Variants in DIAPH3 observed in about 807,000 individuals in gnomAD.
The protein encoded by DIAPH3 is protein diaphanous homolog 3.
In DIAPH3, 117 loss-of-function variants were observed where a neutral mutation model predicts 144.3. The observed-to-expected ratio is 0.81, with a 90% confidence interval of 0.70 to 0.95. The LOEUF (loss-of-function observed/expected upper bound fraction) is 0.95. DIAPH3 is among the 40% of genes least tolerant of loss of function. The pLI is 0.00. For synonymous variants in DIAPH3, 519 were observed against 488.9 expected (o/e 1.06, Z -0.81); for missense variants, 1,421 against 1,412.7 (o/e 1.01, Z -0.09).
chr13:60,132,885 A>T (rs2138236192), intron 2 of DIAPH3, 72 bp downstream of exon 2: 1 of 1,287,620 alleles, frequency 7.8e-7, no homozygotes, highest in Admixed American at 1.7e-5. Context: ...CAAAGATGTT[A>T]GCAGAGCACA....
At chr13:59,878,139 A>C (rs1001745682) in intron 21 of DIAPH3, among the ~76,000 whole-genome samples, 1 of 152,200 alleles carries the variant, frequency 6.6e-6, no homozygotes, top group Non-Finnish European at 1.5e-5. Flanking sequence ...CTGGCAAAGC[A>C]TCTGGCACAG....
intron 3 of DIAPH3, among the ~76,000 whole-genome samples, chr13:60,109,235 C>A (rs988991072): frequency 6.6e-6 from 1 of 152,156 alleles, no homozygotes; most frequent in South Asian, 2.1e-4. Flanking sequence ...TTCTTTCACA[C>A]GGTGTGTGAC....
At chr13:60,100,684 TAAAG>T (rs1307438552) in intron 3 of DIAPH3, among the ~76,000 whole-genome samples, 5 of 151,846 alleles carry the variant, frequency 3.3e-5, no homozygotes, top group African/African-American at 1.2e-4. Flanking sequence ...TATTTCAAAA[TAAAG>T]AGTTATTTTA....
chr13:59,959,602 C>T (rs1485741437), intron 17 of DIAPH3, among the ~76,000 whole-genome samples: 1 of 152,144 alleles, frequency 6.6e-6, no homozygotes, highest in East Asian at 1.9e-4. Flanking sequence ...AACAAAATGA[C>T]TTGCTCGGCT....
At chr13:60,118,471 G>T (rs1168135271) in intron 2 of DIAPH3, among the ~76,000 whole-genome samples, 1 of 152,084 alleles carries the variant, frequency 6.6e-6, no homozygotes, top group African/African-American at 2.4e-5. Flanking sequence ...CGAAATCCAG[G>T]AGAATTATTA....
chr13:59,819,513 A>T (rs2040949867), intron 24 of DIAPH3, among the ~76,000 whole-genome samples: 2 of 151,882 alleles, frequency 1.3e-5, no homozygotes, highest in South Asian at 4.1e-4. Flanking sequence ...GGGTTGAACA[A>T]CACAGATATC....
chr13:59,900,944 C>G (rs1399353613), intron 20 of DIAPH3, among the ~76,000 whole-genome samples: 2 of 152,160 alleles, frequency 1.3e-5, no homozygotes, highest in Non-Finnish European at 2.9e-5. Flanking sequence ...TCCTCCTATG[C>G]CCCAAATCCA....
chr13:59,919,511 A>G (rs2047408650), intron 18 of DIAPH3, among the ~76,000 whole-genome samples: 1 of 152,148 alleles, frequency 6.6e-6, no homozygotes, highest in Non-Finnish European at 1.5e-5. Context: ...ATGATGACAT[A>G]TTCAAAGTGC....
intron 12 of DIAPH3, among the ~76,000 whole-genome samples, chr13:59,984,176 T>A (rs981675086): frequency 6.6e-6 from 1 of 151,712 alleles, no homozygotes; most frequent in Non-Finnish European, 1.5e-5. Flanking sequence ...GAAAGTGAAG[T>A]GATAAGTGCT....
chr13:59,922,090 A>G (rs916414730), intron 18 of DIAPH3, among the ~76,000 whole-genome samples: 11 of 152,090 alleles, frequency 7.2e-5, no homozygotes, highest in Admixed American at 2.0e-4. Context: ...TGACAAACAT[A>G]CAGCTATCAT....
chr13:60,137,029 C>CT, intron 1 of DIAPH3, among the ~76,000 whole-genome samples: 1 of 152,258 alleles, frequency 6.6e-6, no homozygotes, highest in South Asian at 2.1e-4. Flanking sequence ...TATGAGGGCT[C>CT]TTTTCCTAAG....
intron 7 of DIAPH3, chr13:60,013,344 G>T: frequency 2.9e-6 from 1 of 340,894 alleles, no homozygotes; most frequent in Non-Finnish European, 4.2e-6. Flanking sequence ...CACACAGCAT[G>T]ACTACTAGTG....
chr13:59,760,176 C>G (rs1397012137), intron 27 of DIAPH3, among the ~76,000 whole-genome samples: 1 of 152,190 alleles, frequency 6.6e-6, no homozygotes, highest in African/African-American at 2.4e-5. Context: ...TACATCATCA[C>G]TCTCATTTGA....
At chr13:60,027,219 C>T (rs376364635) in intron 5 of DIAPH3, among the ~76,000 whole-genome samples, 1 of 152,204 alleles carries the variant, frequency 6.6e-6, no homozygotes, top group Non-Finnish European at 1.5e-5. Context: ...GACAAACATA[C>T]ACCTACATGC....
intron 27 of DIAPH3, among the ~76,000 whole-genome samples, chr13:59,724,978 T>C (rs752621160): frequency 2.6e-5 from 4 of 152,330 alleles, no homozygotes; most frequent in South Asian, 2.1e-4. Context: ...CTATAATACA[T>C]AGAAGAGAGC....
chr13:59,682,700 C>T (rs2138642146), intron 27 of DIAPH3, among the ~76,000 whole-genome samples: 1 of 152,290 alleles, frequency 6.6e-6, no homozygotes, highest in South Asian at 2.1e-4. Flanking sequence ...AAGGAATACC[C>T]TATTCCCTAG....
intron 4 of DIAPH3, among the ~76,000 whole-genome samples, chr13:60,078,275 G>A (rs1226232223): frequency 6.6e-6 from 1 of 152,096 alleles, no homozygotes; most frequent in African/African-American, 2.4e-5. Flanking sequence ...CAAAAAGGGT[G>A]GCAATGCTGA....
chr13:60,036,726 A>G (rs2055257119), intron 5 of DIAPH3, among the ~76,000 whole-genome samples: 1 of 152,174 alleles, frequency 6.6e-6, no homozygotes, highest in Non-Finnish European at 1.5e-5. Context: ...TGAATTTTTA[A>G]TAAGTTTTTA....
rs5803972 is a variant in DIAPH3, at chr13:59,828,631, C to CAAA, written c.3027+4473_3027+4475dup. Among the ~76,000 whole-genome samples the CAAA allele has an allele frequency of 1.0e-3, 135 of 130,364 alleles. 2 individuals carry two copies. The highest frequency in any genetic ancestry group is 3.3e-3 in the African/African-American group (114 of 34,168). The allele number at this position is 130,364 out of a possible 152,430, so 85.5% of individuals were successfully genotyped here. A position where few individuals can be genotyped will look rare whatever the true frequency, so the allele number is the denominator to read the frequency against. ...ATCTCACCTGTCACATTCTGGACCT[C>CAAA]AAAAAAAAAAAAAAAACACTGAAAG... On this transcript the variant is annotated intron_variant, in intron 24 of 27. Coordinates refer to ENST00000400324, the MANE Select transcript of DIAPH3 (RefSeq NM_001042517.2).
Sources: allele counts gnomAD v4.1 joint callset (sites outside exome capture counted in the v4.1 genomes callset), GRCh38; gene constraint gnomAD v4.1.1; transcripts MANE v1.5; gene names NCBI Gene and HGNC (gene_info 2026-07-23, HGNC 2026-07-21).